PCDHGB2: variants seen among roughly 807,000 people sequenced by gnomAD.
PCDHGB2 encodes protocadherin gamma subfamily B, 2, also known as protocadherin gamma-B2.
In PCDHGB2, 55 loss-of-function variants were observed where a neutral mutation model predicts 59.3. The observed-to-expected ratio is 0.93, with a 90% CI of 0.75 to 1.16. The LOEUF is 1.16. Ranked by LOEUF, PCDHGB2 falls within the 50% of genes most tolerant of loss-of-function variation. PCDHGB2 has a pLI of 0.00. For synonymous variants in PCDHGB2, 516 were observed against 512.0 expected, an observed-to-expected ratio of 1.01 and a Z score of -0.11; for missense variants, 1,228 against 1,198.5, an observed-to-expected ratio of 1.02 and a Z score of -0.36.
At chr5:141,421,829 T>G in intron 1 of PCDHGB2, 5 of 1,613,784 alleles carry the variant, frequency 3.1e-6, no homozygotes, top group Non-Finnish European at 4.2e-6. Context: ...GAGGGAAGCC[T>G]GGACCGAGAG....
chr5:141,455,093 T>C (rs2098812615), intron 1 of PCDHGB2, among the ~76,000 whole-genome samples: 1 of 152,060 alleles, frequency 6.6e-6, no homozygotes, highest in African/African-American at 2.4e-5. Context: ...ATTACAGGCT[T>C]GAGCCACTGC....
intron 1 of PCDHGB2, chr5:141,492,006 G>T (rs2099736069): frequency 7.8e-6 from 5 of 643,420 alleles, no homozygotes; most frequent in Non-Finnish European, 1.3e-5. Context: ...GGCGATTTCC[G>T]CGGGTGTCGG....
chr5:141,384,425 C>T lies in PCDHGB2; in HGVS notation c.2421+21869C>T. ...GTGTCCTCCTATGTCTCCATAAACT[C>T]TGACACTGGAGTCCTGTACGCGCTG... On this transcript the variant is annotated intron_variant, in intron 1 of 3. Coordinates refer to ENST00000522605, the MANE Select transcript of PCDHGB2 (RefSeq NM_018923.3). 1.9e-6 allele frequency: 3 copies of T among 1,613,982 alleles called. No individual in the cohort carries two copies. The South Asian group carries it at 3.3e-5, about 18-fold the overall frequency.
intron 1 of PCDHGB2, chr5:141,415,605 G>T: frequency 1.2e-6 from 2 of 1,613,122 alleles, no homozygotes; most frequent in Non-Finnish European, 1.7e-6. Flanking sequence ...ATACCCCATT[G>T]GTTCCAGTGA....
rs147783721 is a variant in PCDHGB2 at position 141,404,989 on chromosome 5, G to A, written c.2421+42433G>A. 5 of 1,614,046 alleles carry A rather than the reference G, an allele frequency of 3.1e-6. No homozygotes were observed. The South Asian group carries it at 4.4e-5, about 14-fold the overall frequency. On this transcript the variant is annotated intron_variant, in intron 1 of 3. Coordinates refer to ENST00000522605, the MANE Select transcript of PCDHGB2 (RefSeq NM_018923.3). The stretch of plus-strand genomic sequence containing the variant: ...TCCTGGCTGACCTGGGCAGTCTTCA[G>A]ATCCCTGCAGACCTGGAGGCCTCAG...
Position 141,418,176 on chromosome 5 carries a change from T to G in PCDHGB2, c.2421+55620T>G, listed in dbSNP as rs1197334192. 1 of 1,614,078 alleles carries G rather than the reference T, an allele frequency of 6.2e-7. No individual in the cohort carries two copies. Among genetic ancestry groups the G allele is most frequent in the Non-Finnish European group, 8.5e-7 (1 of 1,179,908 alleles). On this transcript the variant is annotated intron_variant, in intron 1 of 3. Coordinates refer to ENST00000522605, the MANE Select transcript of PCDHGB2 (RefSeq NM_018923.3). ...GAGAGAAGAAGATGTGAGTTGCAAT[T>G]GGAAGCTGTGGTGGAAAATCCTTTA...
rs1293108757 is a variant in PCDHGB2, at chr5:141,360,891, G to A, written c.756G>A (p.Arg252=). 11 of 1,613,912 alleles carry A rather than the reference G, an allele frequency of 6.8e-6. No homozygotes were observed. Among genetic ancestry groups the A allele is most frequent in the Non-Finnish European group, 6.8e-6 (8 of 1,179,904 alleles). The change falls in exon 1 of 4, where the codon AGG becomes AGA. Residue 252 remains arginine (R), a synonymous_variant. Coordinates refer to ENST00000522605, the MANE Select transcript of PCDHGB2 (RefSeq NM_018923.3). ...FSQDVYRVTL[R]EDVPPGFFVL... ...AGGACGTGTACAGGGTCACCCTGAG[G>A]GAGGACGTGCCGCCGGGCTTCTTTG...
intron 1 of PCDHGB2, chr5:141,365,365 C>A (rs761258930): frequency 6.2e-7 from 1 of 1,613,928 alleles, no homozygotes. Context: ...ACAATGCCCC[C>A]GAAGTGATCC....
chr5:141,441,954 C>T, intron 1 of PCDHGB2: 1 of 319,608 alleles, frequency 3.1e-6, no homozygotes, highest in Non-Finnish European at 6.0e-6. Context: ...TGCAGGCCAG[C>T]AAGCCCAGGC....
At chr5:141,433,326 A>G in intron 1 of PCDHGB2, 1 of 726,596 alleles carries the variant, frequency 1.4e-6, no homozygotes. Context: ...CCGGTGTAAC[A>G]GGGACTACAG....
intron 1 of PCDHGB2, among the ~76,000 whole-genome samples, chr5:141,471,855 G>A (rs955016680): frequency 3.3e-5 from 5 of 152,108 alleles, no homozygotes; most frequent in Non-Finnish European, 7.4e-5. Context: ...TTCAGAAAAA[G>A]CAAAACTGTG....
At chr5:141,407,370 A>G (rs1434825695) in intron 1 of PCDHGB2, among the ~76,000 whole-genome samples, 2 of 152,228 alleles carry the variant, frequency 1.3e-5, no homozygotes, top group Non-Finnish European at 2.9e-5. Flanking sequence ...ACAGATATCC[A>G]TGAAGGCTTG....
At chr5:141,405,372 T>C in intron 1 of PCDHGB2, 1 of 1,601,630 alleles carries the variant, frequency 6.2e-7, no homozygotes, top group East Asian at 2.2e-5. Flanking sequence ...ACCCCTTTGG[T>C]TCCGGTGAGT....
In PCDHGB2 at chr5:141,453,631, T is replaced by C. The variant is rs114710858; in HGVS notation, c.2422-41176T>C. On this transcript the variant is annotated intron_variant, in intron 1 of 3. Transcript: ENST00000522605. ...AACGCAAAAACAAAACCTATACATATTTATATTTTCTTATGTCCTCTTCTT... is the reference window on the plus strand; with the variant it reads ...AACGCAAAAACAAAACCTATACATACTTATATTTTCTTATGTCCTCTTCTT... Among the ~76,000 whole-genome samples the C allele has an allele frequency of 8.2e-3, 1,249 of 152,332 alleles. 7 individuals are homozygous for C. Among genetic ancestry groups the C allele is most frequent in the Non-Finnish European group, 0.013 (893 of 68,030 alleles).
chr5:141,399,133 G>A (rs1054849184), intron 1 of PCDHGB2: 1 of 1,613,714 alleles, frequency 6.2e-7, no homozygotes, highest in Non-Finnish European at 8.5e-7. Flanking sequence ...TATTCAAGAT[G>A]AAAATGACAA....
At chr5:141,374,343 C>G (rs753543776) in intron 1 of PCDHGB2, 3 of 1,613,872 alleles carry the variant, frequency 1.9e-6, no homozygotes, top group African/African-American at 1.3e-5. Context: ...TTGGTCACCG[C>G]GGGTAGGATA....
chr5:141,360,302 T>C lies in PCDHGB2; in HGVS notation c.167T>C (p.Leu56Pro). Residue 56 changes from leucine to proline, a missense_variant, in exon 1 of 4, where the codon CTC (leucine) becomes CCC (proline). Physicochemically the swap from Leu to Pro is moderately conservative, Grantham distance 98 (BLOSUM62 -3). Transcript: ENST00000522605. ...VVGNLAKDLG[L>P]SVRDLPARKL... The stretch of plus-strand genomic sequence containing the variant: ...GGAAACCTCGCCAAGGATCTGGGGC[T>C]CAGCGTCCGGGACTTGCCAGCCCGG... The C allele has an allele frequency of 8.1e-6, 13 of 1,613,882 alleles. No homozygotes were observed. The highest frequency in any genetic ancestry group is 1.1e-5 in the Non-Finnish European group (13 of 1,179,876).
At chr5:141,365,464 A>G in intron 1 of PCDHGB2, 3 of 1,614,072 alleles carry the variant, frequency 1.9e-6, no homozygotes, top group Non-Finnish European at 2.5e-6. Flanking sequence ...ATTCTGGAGA[A>G]AATGGTGAGA....
intron 1 of PCDHGB2, chr5:141,383,280 T>C (rs1180064294): frequency 6.2e-7 from 1 of 1,613,786 alleles, no homozygotes; most frequent in Non-Finnish European, 8.5e-7. Context: ...TAGATATTAA[T>C]GACAACGTTC....
Sources: allele counts gnomAD v4.1 joint callset (sites outside exome capture counted in the v4.1 genomes callset), GRCh38; gene constraint gnomAD v4.1.1; transcripts MANE v1.5; gene names NCBI Gene and HGNC (gene_info 2026-07-23, HGNC 2026-07-21).